Variants in PARD3 observed in about 807,000 individuals in gnomAD.
The protein encoded by PARD3 is par-3 family cell polarity regulator, also known as partitioning defective 3 homolog.
A neutral mutation model predicts 155.4 loss-of-function variants in PARD3; 75 were observed. That is an observed-to-expected ratio of 0.48 (90% confidence interval 0.40 to 0.58). The LOEUF (loss-of-function observed/expected upper bound fraction) is 0.58. Ranked by LOEUF, PARD3 falls within the 20% of genes least tolerant of loss-of-function variation. PARD3 has a pLI of 0.00. For missense variants in PARD3, 1,642 were observed against 1,721.7 expected (o/e 0.95, Z 0.82); for synonymous variants, 576 against 610.5 (o/e 0.94, Z 0.83).
intron 2 of PARD3, among the ~76,000 whole-genome samples, chr10:34,665,908 A>ACAGAAC (rs2093457169): frequency 6.6e-6 from 1 of 151,494 alleles, no homozygotes; most frequent in African/African-American, 2.4e-5. Context: ...AACAGAACAA[A>ACAGAAC]AAGAAAAGAA....
chr10:34,603,649 A>T (rs963361545), intron 2 of PARD3, among the ~76,000 whole-genome samples: 1 of 152,188 alleles, frequency 6.6e-6, no homozygotes, highest in Non-Finnish European at 1.5e-5. Flanking sequence ...TTAGAACCAG[A>T]GGCAAGTAAT....
chr10:34,386,900 C>T (rs956420154), intron 7 of PARD3, among the ~76,000 whole-genome samples: 22 of 151,518 alleles, frequency 1.5e-4, no homozygotes, highest in Non-Finnish European at 2.9e-4. Flanking sequence ...TAAATTAAAT[C>T]ACAGTTACTG....
intron 1 of PARD3, among the ~76,000 whole-genome samples, chr10:34,789,847 T>C (rs2134236206): frequency 6.6e-6 from 1 of 152,360 alleles, no homozygotes; most frequent in East Asian, 1.9e-4. Context: ...TTTAAAATCA[T>C]CTGTGCTGGC....
In PARD3 at chr10:34,548,752, G is replaced by A. The variant is rs142721137; in HGVS notation, c.223-31593C>T. On this transcript the variant is annotated intron_variant, in intron 2 of 24. Coordinates refer to ENST00000374788, the MANE Select transcript of PARD3 (RefSeq NM_001184785.2). ...CCAGGAACTAAATAAAAGGGCCACC[G>A]AGAAGGCAGCCTTTTATTGGCTTTA... 2.6e-4 allele frequency among the ~76,000 whole-genome samples: 40 copies of A among 151,858 alleles called. No individual in the cohort carries two copies. In the East Asian group the frequency reaches 4.7e-3, roughly 18 times the overall value.
At position 34,360,146 on chromosome 10, in the gene PARD3, A is replaced by C; in HGVS notation, c.1821T>G (p.Gly607=). The C allele has an allele frequency of 6.2e-7, 1 of 1,614,128 alleles. No homozygotes were observed. Among genetic ancestry groups the C allele is most frequent in the Non-Finnish European group, 8.5e-7 (1 of 1,179,962 alleles). The change falls in exon 13 of 25, where the codon GGT becomes GGG. Residue 607 remains glycine (G), a synonymous_variant. Coordinates refer to ENST00000374788, the MANE Select transcript of PARD3 (RefSeq NM_001184785.2). The stretch of plus-strand genomic sequence containing the variant: ...CTGCGTGGTTCTCTTTTGACCGGTT[A>C]CCTTTGACACTGACACCAAGGCCTG... ...GSAGLGVSVK[G]NRSKENHADL...
intron 2 of PARD3, among the ~76,000 whole-genome samples, chr10:34,695,459 C>T (rs1474193560): frequency 7.9e-6 from 1 of 126,664 alleles, no homozygotes; most frequent in African/African-American, 3.0e-5. Context: ...GTCTGGGCAA[C>T]AGAGCAAGAC....
intron 7 of PARD3, among the ~76,000 whole-genome samples, chr10:34,384,786 T>C (rs1047424439): frequency 1.3e-5 from 2 of 152,220 alleles, no homozygotes; most frequent in African/African-American, 2.4e-5. Context: ...TTGAATTTGA[T>C]AGTGCTTAGT....
chr10:34,725,515 GTTGCCATTCTGATAAGC>G (rs1034560739), intron 1 of PARD3, among the ~76,000 whole-genome samples: 1 of 152,018 alleles, frequency 6.6e-6, no homozygotes, highest in Non-Finnish European at 1.5e-5. Context: ...CTAAGTATTC[GTTGCCATTCTGATAAGC>G]CAGGATTTTC....
rs570048266 is a variant in PARD3 at position 34,399,428 on chromosome 10, T to G, written c.807-15A>C. ...TTACCATATCACTGTGAGACAATGA[T>G]GAATGAGGGAGCATGAACGTGTACT... On this transcript the variant is annotated splice_polypyrimidine_tract_variant and intron_variant, in intron 6 of 24. Transcript: ENST00000374788. 5 of 1,552,718 alleles carry G rather than the reference T, an allele frequency of 3.2e-6. No individual in the cohort carries two copies. In the South Asian group the frequency reaches 5.6e-5, roughly 17 times the overall value.
At chr10:34,683,907 G>A (rs1207447608) in intron 2 of PARD3, among the ~76,000 whole-genome samples, 1 of 152,172 alleles carries the variant, frequency 6.6e-6, no homozygotes, top group African/African-American at 2.4e-5. Context: ...TAAATGTTGG[G>A]AAGTCATCTT....
chr10:34,335,082 A>G lies in PARD3; in HGVS notation c.2605+1117T>C, dbSNP rs1389057043. ...CTGTAAAAACTAACTACTATTTTAC[A>G]TATGTGAACTATCACATAACATTTC... On this transcript the variant is annotated intron_variant, in intron 18 of 24. Coordinates refer to ENST00000374788, the MANE Select transcript of PARD3 (RefSeq NM_001184785.2). Among the ~76,000 whole-genome samples the G allele has an allele frequency of 2.0e-5, 3 of 152,062 alleles. No individual in the cohort carries two copies. In the East Asian group the frequency reaches 5.8e-4, roughly 29 times the overall value.
intron 22 of PARD3, among the ~76,000 whole-genome samples, chr10:34,261,781 A>AAAAGAAAGAAAG (rs1158080569): frequency 0.042 from 5,524 of 131,512 alleles, 152 homozygotes; most frequent in Non-Finnish European, 0.048. Flanking sequence ...AGAAAGAAAG[A>AAAAGAAAGAAAG]AAAGAAAGAA....
At chr10:34,712,147 C>T (rs1158401138) in intron 1 of PARD3, among the ~76,000 whole-genome samples, 1 of 152,220 alleles carries the variant, frequency 6.6e-6, no homozygotes, top group Non-Finnish European at 1.5e-5. Context: ...GTTCTCCTCA[C>T]TCTAGTCCCG....
At chr10:34,352,507 G>A (rs564269805) in intron 14 of PARD3, among the ~76,000 whole-genome samples, 1 of 152,328 alleles carries the variant, frequency 6.6e-6, no homozygotes, top group East Asian at 1.9e-4. Context: ...CGCCACGCCT[G>A]ACTGGTTTTT....
intron 22 of PARD3, among the ~76,000 whole-genome samples, chr10:34,148,570 T>C (rs183406907): frequency 4.6e-5 from 7 of 152,336 alleles, no homozygotes; most frequent in South Asian, 2.1e-4. Context: ...GCCATCTCTG[T>C]GGTCTCAGTG....
chr10:34,788,519 G>A (rs1009041644), intron 1 of PARD3, among the ~76,000 whole-genome samples: 6 of 150,936 alleles, frequency 4.0e-5, no homozygotes, highest in Admixed American at 2.6e-4. Flanking sequence ...GCACGATCGC[G>A]GCTCACTGCA....
At chr10:34,473,170 T>C (rs749645286) in intron 3 of PARD3, among the ~76,000 whole-genome samples, 2 of 152,204 alleles carry the variant, frequency 1.3e-5, no homozygotes, top group Non-Finnish European at 2.9e-5. Context: ...ATGCAGCCCT[T>C]CTTGTTAGTT....
intron 21 of PARD3, among the ~76,000 whole-genome samples, chr10:34,280,656 C>T (rs10827343): frequency 0.13 from 20,380 of 152,104 alleles, 1,567 homozygotes; most frequent in African/African-American, 0.21. Context: ...CTCCGGTTTC[C>T]ACAGCCAGTT....
At chr10:34,204,251 G>A (rs1253545798) in intron 22 of PARD3, among the ~76,000 whole-genome samples, 1 of 152,196 alleles carries the variant, frequency 6.6e-6, no homozygotes, top group African/African-American at 2.4e-5. Context: ...GAGGCCAAAG[G>A]AGAGACCCAG....
Sources: gnomAD v4.1 joint callset for allele counts (sites outside exome capture counted in the v4.1 genomes callset) on GRCh38, gnomAD v4.1.1 for gene constraint, MANE v1.5 for transcripts, NCBI Gene and HGNC (gene_info 2026-07-23, HGNC 2026-07-21) for gene names.